The following CEP135 variants were observed in gnomAD, a reference collection of about 807,000 sequenced individuals.
CEP135 encodes the protein centrosomal protein 135.
Under a neutral mutation model 157.3 loss-of-function variants are expected in CEP135, and 142 were observed. That is an observed-to-expected ratio of 0.90 (90% CI 0.79 to 1.04). The LOEUF (loss-of-function observed/expected upper bound fraction) is 1.04, where lower values mean the gene tolerates loss of function less well. Ranked by LOEUF, CEP135 falls within the 50% of genes least tolerant of loss-of-function variation. The pLI, the probability that CEP135 is intolerant of heterozygous loss-of-function variation, is 0.00. For missense variants in CEP135, 1,317 were observed against 1,309.2 expected, an observed-to-expected ratio of 1.01 and a Z score of -0.09; for synonymous variants, 396 against 439.8, an observed-to-expected ratio of 0.90 and a Z score of 1.25.
Position 55,966,959 on chromosome 4 carries a change from C to A in CEP135, c.1044+1100C>A, listed in dbSNP as rs539233153. On this transcript the variant is annotated intron_variant, in intron 8 of 25. Transcript: ENST00000257287. ...TATTTCATTGTTCTTTTAATTATAG[C>A]CAGTAAAATCTAAATGATCCTTTCT... is the stretch of plus-strand genomic sequence containing the variant. Among the ~76,000 whole-genome samples, 435 of 152,002 alleles carry A rather than the reference C, an allele frequency of 2.9e-3. 3 individuals are homozygous for A. The highest frequency in any genetic ancestry group is 0.01 in the African/African-American group (424 of 41,468).
In CEP135 at chr4:55,985,336, A is replaced by G. The variant is rs780746431; in HGVS notation, c.1835A>G (p.His612Arg). 3.8e-6 allele frequency: 6 copies of G among 1,592,366 alleles called. No homozygotes were observed. Among genetic ancestry groups the G allele is most frequent in the Non-Finnish European group, 5.2e-6 (6 of 1,162,218 alleles). Residue 612 changes from histidine to arginine, a missense_variant, in exon 14 of 26, where the codon CAT (histidine) becomes CGT (arginine). His to Arg is a conservative substitution (Grantham distance 29). Coordinates refer to ENST00000257287, the MANE Select transcript of CEP135 (RefSeq NM_025009.5). ...GKSELEKTIE[H>R]LTCVNHQLES... Reference sequence around the variant, plus strand: ...TCAGAATTAGAGAAAACTATTGAACATTTGACATGTGTTAATCATCAGGTA... The same window carrying G: ...TCAGAATTAGAGAAAACTATTGAACGTTTGACATGTGTTAATCATCAGGTA...
intron 10 of CEP135, 81 bp from the exon 11 acceptor site, chr4:55,974,663 TAA>T (rs1410972998): frequency 9.8e-7 from 1 of 1,019,772 alleles, no homozygotes; most frequent in African/African-American, 1.6e-5. Flanking sequence ...GCTTTCATTC[TAA>T]AAGTTATTAA....
chr4:55,964,247 A>T (rs746682447), intron 6 of CEP135, 27 bp from the exon 7 acceptor site: 39 of 1,576,566 alleles, frequency 2.5e-5, no homozygotes, highest in East Asian at 4.5e-5. Flanking sequence ...CAGATTTTTT[A>T]AAATGACAGC....
At chr4:56,022,043 C>T (rs1206306754) in intron 24 of CEP135, among the ~76,000 whole-genome samples, 2 of 151,968 alleles carry the variant, frequency 1.3e-5, no homozygotes, top group Non-Finnish European at 2.9e-5. Context: ...ACAAACAAAC[C>T]AACAAAAAAG....
intron 8 of CEP135, chr4:55,966,080 A>G (rs1013838663): frequency 8.9e-6 from 4 of 447,364 alleles, no homozygotes; most frequent in South Asian, 3.2e-5. Context: ...AAGCACACCT[A>G]TTCTTAGGAT....
At chr4:55,985,246 T>C in intron 13 of CEP135, 35 bp from the exon 14 acceptor site, 1 of 1,237,956 alleles carries the variant, frequency 8.1e-7, no homozygotes, top group Non-Finnish European at 1.2e-6. Context: ...TGTTATCTGA[T>C]ACAAATGAAC....
intron 15 of CEP135, among the ~76,000 whole-genome samples, chr4:55,996,715 T>C (rs1729980240): frequency 7.1e-6 from 1 of 140,070 alleles, no homozygotes; most frequent in Non-Finnish European, 1.5e-5. Flanking sequence ...AGTCTCCGTC[T>C]TTTTTTTTTT....
At chr4:56,027,679 T>TTTTTG (rs1191806099) in intron 25 of CEP135, among the ~76,000 whole-genome samples, 18 of 151,710 alleles carry the variant, frequency 1.2e-4, no homozygotes, top group Admixed American at 2.0e-4. Context: ...AGACACTGCA[T>TTTTTG]TTTTGTTTTG....
At chr4:56,023,983 A>G (rs1731066266) in intron 24 of CEP135, among the ~76,000 whole-genome samples, 1 of 141,174 alleles carries the variant, frequency 7.1e-6, no homozygotes, top group South Asian at 2.2e-4. Flanking sequence ...ATTATATAAT[A>G]TATTGTATGT....
At chr4:55,952,270 C>G in intron 2 of CEP135, 27 bp downstream of exon 2, 1 of 1,299,704 alleles carries the variant, frequency 7.7e-7, no homozygotes, top group Non-Finnish European at 1.1e-6. Context: ...AGTTTTCAAC[C>G]TTTATGATCC....
chr4:55,966,561 G>T (rs1397082571), intron 8 of CEP135: 1 of 152,406 alleles, frequency 6.6e-6, no homozygotes. Flanking sequence ...ATAGCTCACT[G>T]CAGCCTCAAC....
At chr4:56,017,928 AC>A in intron 22 of CEP135, 71 bp downstream of exon 22, 1 of 1,278,256 alleles carries the variant, frequency 7.8e-7, no homozygotes, top group Non-Finnish European at 1.1e-6. Flanking sequence ...TTTAGTATTC[AC>A]CACACCATGC....
intron 13 of CEP135, among the ~76,000 whole-genome samples, chr4:55,981,878 A>G (rs1729423025): frequency 6.6e-6 from 1 of 152,192 alleles, no homozygotes; most frequent in Non-Finnish European, 1.5e-5. Context: ...AATGCATTTA[A>G]TACCCCAGTA....
intron 21 of CEP135, among the ~76,000 whole-genome samples, chr4:56,015,657 T>G (rs1002436695): frequency 6.6e-6 from 1 of 152,226 alleles, no homozygotes; most frequent in African/African-American, 2.4e-5. Flanking sequence ...CCTTTTACAG[T>G]GGGACTTCTA....
intron 8 of CEP135, 173 bp downstream of exon 8, chr4:55,966,032 A>G (rs1728834172): frequency 1.7e-6 from 1 of 575,014 alleles, no homozygotes; most frequent in African/African-American, 1.9e-5. Flanking sequence ...CACCCTGTAA[A>G]TGATTGTAGT....
chr4:56,019,504 A>T lies in CEP135; in HGVS notation c.3164A>T (p.Asp1055Val). 2 of 1,614,032 alleles carry T rather than the reference A, an allele frequency of 1.2e-6. No individual in the cohort carries two copies. The highest frequency in any genetic ancestry group is 1.7e-6 in the Non-Finnish European group (2 of 1,179,998). ...FHSHLTSHEK[D>V]TEIQLLKEKL... ...TCTCACTTAACCTCCCACGAGAAGG[A>T]TACAGAAATCCAGCTACTTAAGGAG... is the stretch of plus-strand genomic sequence containing the variant. The change falls in exon 23 of 26, where the codon GAT becomes GTT. Residue 1055 changes from aspartate to valine, a missense_variant. Coordinates refer to ENST00000257287, the MANE Select transcript of CEP135 (RefSeq NM_025009.5).
intron 4 of CEP135, 30 bp from the exon 5 acceptor site, chr4:55,957,192 CT>C (rs769946610): frequency 6.2e-7 from 1 of 1,606,122 alleles, no homozygotes; most frequent in Non-Finnish European, 8.5e-7. Flanking sequence ...TTTGTTTCTT[CT>C]TAGTTTTTTA....
chr4:55,951,390 C>T (rs901311220), intron 1 of CEP135, among the ~76,000 whole-genome samples: 38 of 152,108 alleles, frequency 2.5e-4, no homozygotes, highest in African/African-American at 7.2e-4. Flanking sequence ...AGATCTTTGT[C>T]GACATTTGCT....
intron 24 of CEP135, among the ~76,000 whole-genome samples, chr4:56,023,620 TA>T (rs1396531553): frequency 6.8e-6 from 1 of 146,366 alleles, no homozygotes; most frequent in African/African-American, 2.5e-5. Flanking sequence ...TTATAATTAA[TA>T]TAACATAGTA....
Sources: allele counts gnomAD v4.1 joint callset (sites outside exome capture counted in the v4.1 genomes callset), GRCh38; gene constraint gnomAD v4.1.1; transcripts MANE v1.5; gene names NCBI Gene and HGNC (gene_info 2026-07-23, HGNC 2026-07-21).